The following TOP1 variants were observed in gnomAD, a reference collection of about 807,000 sequenced individuals.
The protein encoded by TOP1 is DNA topoisomerase 1.
A neutral mutation model predicts 111.1 loss-of-function variants in TOP1; 10 were observed. That is an observed-to-expected ratio of 0.09 (90% CI 0.06 to 0.15). The LOEUF (loss-of-function observed/expected upper bound fraction) is 0.15, where lower values mean the gene tolerates loss of function less well. Ranked by LOEUF, TOP1 falls within the 10% of genes least tolerant of loss-of-function variation. The pLI is 1.00. For missense variants in TOP1, 474 were observed against 926.7 expected (o/e 0.51, Z 6.34); for synonymous variants, 271 against 302.9 (o/e 0.89, Z 1.10).
chr20:41,037,574 G>A (rs1353308641), intron 2 of TOP1, among the ~76,000 whole-genome samples: 1 of 152,212 alleles, frequency 6.6e-6, no homozygotes, highest in African/African-American at 2.4e-5. Flanking sequence ...TTATGTGTGA[G>A]AATTTAGTAC....
Position 41,083,228 on chromosome 20 carries a change from C to T in TOP1, c.508-1234C>T, listed in dbSNP as rs1243355667. ...TGTTTAGAGTATCTTCACTGAAAAA[C>T]ATTTCCCTTTCCTGTGGTGTGTTTC... is the stretch of plus-strand genomic sequence containing the variant. On this transcript the variant is annotated intron_variant, in intron 7 of 20. Coordinates refer to ENST00000361337, the MANE Select transcript of TOP1 (RefSeq NM_003286.4). The surrounding 1 kb of genome is among the most constrained non-coding windows in gnomAD (Gnocchi z 7.2). Among the ~76,000 whole-genome samples, 1 of 152,142 alleles carries T rather than the reference C, an allele frequency of 6.6e-6. No homozygotes were observed. Among genetic ancestry groups the T allele is most frequent in the African/African-American group, 2.4e-5 (1 of 41,440 alleles).
chr20:41,034,067 T>C lies in TOP1; in HGVS notation c.58+4612T>C, dbSNP rs558948673. ...AGTTGAGTGAATTTTCTGTGTTGTA[T>C]GGTTTAGATTATCTGACTATCCCTT... On this transcript the variant is annotated intron_variant, in intron 2 of 20. Coordinates refer to ENST00000361337, the MANE Select transcript of TOP1 (RefSeq NM_003286.4). The surrounding 1 kb of genome is among the most constrained non-coding windows in gnomAD (Gnocchi z 4.0). Among the ~76,000 whole-genome samples, 192 of 152,318 alleles carry C rather than the reference T, an allele frequency of 1.3e-3. 1 individual carries two copies. The highest frequency in any genetic ancestry group is 4.4e-3 in the African/African-American group (181 of 41,562).
chr20:41,076,982 A>T (rs985300861), intron 4 of TOP1, among the ~76,000 whole-genome samples: 36 of 152,212 alleles, frequency 2.4e-4, no homozygotes, highest in Non-Finnish European at 5.9e-5. Flanking sequence ...TTTTTGAAAG[A>T]TAAATTTTCT....
At position 41,124,370 on chromosome 20, in the gene TOP1, AGT is replaced by A. The variant is rs1043170442; in HGVS notation, c.*1081_*1082del. 1.7e-5 allele frequency: 4 copies of A among 233,364 alleles called. No homozygotes were observed. Among genetic ancestry groups the A allele is most frequent in the African/African-American group, 8.8e-5 (4 of 45,340 alleles). The allele number at this position is 233,364 out of a possible 1,614,324, so 14.5% of individuals were successfully genotyped here. A position where few individuals can be genotyped will look rare whatever the true frequency, so the allele number is the denominator to read the frequency against. On this transcript the variant is annotated 3_prime_UTR_variant, in exon 21 of 21. Transcript: ENST00000361337. The surrounding 1 kb of genome is among the most constrained non-coding windows in gnomAD (Gnocchi z 5.4). ...TTAGTTTTAGAGGCATTGTTAGTTT[AGT>A]GTGTGTGCAGAGTCCATTTCCCACA... is the stretch of plus-strand genomic sequence containing the variant.
chr20:41,121,909 T>TA lies in TOP1; in HGVS notation c.2046-96dup, dbSNP rs2034429974. 1 of 1,563,362 alleles carries TA rather than the reference T, an allele frequency of 6.4e-7. No homozygotes were observed. Among genetic ancestry groups the TA allele is most frequent in the Non-Finnish European group, 8.7e-7 (1 of 1,144,690 alleles). ...GAGAAATGTCTTTTGGAAATCTCTA[T>TA]ACTAGGGCTTTTATTGACTCAAAGT... On this transcript the variant is annotated intron_variant, in intron 19 of 20. Transcript: ENST00000361337. This position sits in a 1 kb window ranked among gnomAD's most constrained non-coding sequence, Gnocchi z 4.2.
chr20:41,085,942 AC>A (rs2033842395), intron 8 of TOP1, among the ~76,000 whole-genome samples: 1 of 152,166 alleles, frequency 6.6e-6, no homozygotes, highest in South Asian at 2.1e-4. Flanking sequence ...GAGCAGAGCA[AC>A]CCTGCCTCTT....
At chr20:41,043,612 A>T (rs903213510) in intron 2 of TOP1, among the ~76,000 whole-genome samples, 2 of 152,228 alleles carry the variant, frequency 1.3e-5, no homozygotes, top group Non-Finnish European at 2.9e-5. Flanking sequence ...TGAATTAGTA[A>T]TAGGATACAT....
In TOP1 at chr20:41,097,886, G is replaced by A. The variant is rs1283466108; in HGVS notation, c.853-329G>A. ...AATAAATGAATAGAATAGGGGTAAT[G>A]TTTCCAAGAGAGAATCAGTATGGGA... On this transcript the variant is annotated intron_variant, in intron 10 of 20. Transcript: ENST00000361337. The surrounding 1 kb of genome is among the most constrained non-coding windows in gnomAD (Gnocchi z 4.2). Among the ~76,000 whole-genome samples the A allele has an allele frequency of 1.3e-5, 2 of 152,176 alleles. No individual in the cohort carries two copies. Among genetic ancestry groups the A allele is most frequent in the South Asian group, 4.1e-4 (2 of 4,826 alleles).
intron 13 of TOP1, among the ~76,000 whole-genome samples, chr20:41,103,295 C>G (rs1210621412): frequency 6.6e-6 from 1 of 152,084 alleles, no homozygotes; most frequent in Non-Finnish European, 1.5e-5. Flanking sequence ...AAAAATTTGC[C>G]CAAGATTCAG....
In TOP1 at chr20:41,084,515, G is replaced by A. The variant is rs2033825144; in HGVS notation, c.561G>A (p.Glu187=). The A allele has an allele frequency of 6.3e-7, 1 of 1,580,696 alleles. No homozygotes were observed. Among genetic ancestry groups the A allele is most frequent in the Non-Finnish European group, 8.6e-7 (1 of 1,161,740 alleles). The stretch of plus-strand genomic sequence containing the variant: ...AAGATAAAGATAAAAAAGTTCCTGA[G>A]CCAGATAACAAGAAAAAGAAGCCGA... ...KNKDKDKKVP[E]PDNKKKKPKK... is the part of the protein sequence containing the mutation. Residue 187 remains glutamate, a synonymous_variant, in exon 8 of 21, where the codon GAG becomes GAA. Coordinates refer to ENST00000361337, the MANE Select transcript of TOP1 (RefSeq NM_003286.4).
intron 2 of TOP1, among the ~76,000 whole-genome samples, chr20:41,039,476 CAA>C (rs766201286): frequency 2.0e-5 from 3 of 151,996 alleles, no homozygotes; most frequent in Non-Finnish European, 4.4e-5. Context: ...TAAAATGTTA[CAA>C]AAAATGGTTT....
At chr20:41,049,051 T>C (rs570427936) in intron 2 of TOP1, among the ~76,000 whole-genome samples, 21 of 152,336 alleles carry the variant, frequency 1.4e-4, no homozygotes, top group African/African-American at 3.1e-4. Context: ...GGAAGTGGCC[T>C]GGAAGAGAAA....
chr20:41,066,172 A>G (rs2033604095), intron 3 of TOP1, among the ~76,000 whole-genome samples: 1 of 152,132 alleles, frequency 6.6e-6, no homozygotes, highest in South Asian at 2.1e-4. Context: ...TTGTTTTGGG[A>G]GGAAAGATAC....
Position 41,092,427 on chromosome 20 carries a change from T to C in TOP1, c.615-45T>C. 1.1e-6 allele frequency: 1 copy of C among 938,024 alleles called. No homozygotes were observed. Among genetic ancestry groups the C allele is most frequent in the African/African-American group, 1.7e-5 (1 of 59,948 alleles). 58.1% of individuals were successfully genotyped at this position (938,024 alleles called of 1,614,324 possible). On this transcript the variant is annotated intron_variant, in intron 8 of 20. Transcript: ENST00000361337. The surrounding 1 kb of genome is among the most constrained non-coding windows in gnomAD (Gnocchi z 4.3). ...ATTTAATCAGTGATGATCCCCATGT[T>C]AGACAAGGCGATCACTAAATGAGGC... is the stretch of plus-strand genomic sequence containing the variant.
intron 14 of TOP1, among the ~76,000 whole-genome samples, chr20:41,113,762 A>T (rs2034282823): frequency 1.3e-5 from 2 of 151,266 alleles, no homozygotes; most frequent in South Asian, 4.2e-4. Flanking sequence ...GGGCGCCTGT[A>T]GTCCCAGCTA....
intron 3 of TOP1, among the ~76,000 whole-genome samples, chr20:41,064,019 C>T (rs1055515637): frequency 9.9e-5 from 15 of 152,036 alleles, no homozygotes; most frequent in African/African-American, 3.4e-4. Flanking sequence ...CCTAGGTTGT[C>T]GTCTAGGGTT....
At chr20:41,041,304 G>T (rs142455880) in intron 2 of TOP1, among the ~76,000 whole-genome samples, 28 of 152,050 alleles carry the variant, frequency 1.8e-4, no homozygotes, top group African/African-American at 6.0e-4. Context: ...ACAAAAATTA[G>T]CCAAGCATGG....
intron 14 of TOP1, among the ~76,000 whole-genome samples, chr20:41,113,227 A>G (rs1298411961): frequency 1.3e-5 from 2 of 152,202 alleles, no homozygotes; most frequent in African/African-American, 4.8e-5. Flanking sequence ...AGAGGAGATC[A>G]ATTTCTTGGT....
Position 41,118,449 on chromosome 20 carries a change from A to G in TOP1, c.1950+153A>G, listed in dbSNP as rs546772062. On this transcript the variant is annotated intron_variant, in intron 18 of 20. Coordinates refer to ENST00000361337, the MANE Select transcript of TOP1 (RefSeq NM_003286.4). The surrounding 1 kb of genome is among the most constrained non-coding windows in gnomAD (Gnocchi z 4.6). ...ACAAATGGAAATATGATAGTAGTTA[A>G]TCTCTGATCAAGATACTGAATATCA... Among the ~76,000 whole-genome samples the G allele has an allele frequency of 4.1e-4, 63 of 152,384 alleles. No homozygotes were observed. Among genetic ancestry groups the G allele is most frequent in the African/African-American group, 1.4e-3 (60 of 41,600 alleles).
Sources: allele counts gnomAD v4.1 joint callset (sites outside exome capture counted in the v4.1 genomes callset), GRCh38; gene constraint gnomAD v4.1.1; non-coding constraint Gnocchi (gnomAD v3.1); transcripts MANE v1.5; gene names NCBI Gene and HGNC (gene_info 2026-07-23, HGNC 2026-07-21).